The following NIBAN2 variants were observed in gnomAD, a reference collection of about 807,000 sequenced individuals.
NIBAN2 encodes protein Niban 2.
In NIBAN2, 36 loss-of-function variants were observed where a neutral mutation model predicts 81.8. The ratio of observed to expected loss-of-function variants is 0.44; its 90% confidence interval spans 0.34 to 0.58. NIBAN2 has a LOEUF of 0.58. NIBAN2 is among the 20% of genes least tolerant of loss of function. NIBAN2 has a pLI of 0.02. For synonymous variants in NIBAN2, 445 were observed against 441.6 expected, an observed-to-expected ratio of 1.01 and a Z score of -0.10; for missense variants, 897 against 1,014.1, an observed-to-expected ratio of 0.88 and a Z score of 1.57.
At chr9:127,558,214 C>T (rs1444307395) in intron 1 of NIBAN2, among the ~76,000 whole-genome samples, 1 of 152,208 alleles carries the variant, frequency 6.6e-6, no homozygotes, top group Non-Finnish European at 1.5e-5. Context: ...ACAGGGCTTG[C>T]TTCTCTCCCA....
At position 127,512,930 on chromosome 9, in the gene NIBAN2, C is replaced by T. The variant is rs994580774; in HGVS notation, c.974-2597G>A. On this transcript the variant is annotated intron_variant, in intron 8 of 13. Coordinates refer to ENST00000373312, the MANE Select transcript of NIBAN2 (RefSeq NM_022833.4). Reference sequence around the variant, plus strand: ...GATATCTGCACTCCCGTGTTTGTTGCGGCTCTGTTCACAACAACCAAGATT... The same window carrying T: ...GATATCTGCACTCCCGTGTTTGTTGTGGCTCTGTTCACAACAACCAAGATT... 3.9e-5 allele frequency among the ~76,000 whole-genome samples: 6 copies of T among 152,164 alleles called. No individual in the cohort carries two copies. In the South Asian group the frequency reaches 1.2e-3, roughly 31 times the overall value.
At chr9:127,551,292 A>G (rs750296513) in intron 1 of NIBAN2, among the ~76,000 whole-genome samples, 18 of 151,746 alleles carry the variant, frequency 1.2e-4, no homozygotes, top group Non-Finnish European at 2.2e-4. Flanking sequence ...GGAGGCTGAG[A>G]TGGGCAGATC....
At chr9:127,531,102 C>A (rs910574640) in intron 2 of NIBAN2, among the ~76,000 whole-genome samples, 2 of 151,750 alleles carry the variant, frequency 1.3e-5, no homozygotes, top group African/African-American at 4.8e-5. Flanking sequence ...ATCACTTGAG[C>A]CAGGAAGGTT....
Position 127,508,080 on chromosome 9 carries a change from G to T in NIBAN2, c.1542+13C>A. The stretch of plus-strand genomic sequence containing the variant: ...TAGGGCCCAAACGGCTGGAGCAGGT[G>T]GGGGCTGCTCACCGACTTGCAGGTA... On this transcript the variant is annotated intron_variant, in intron 12 of 13. Transcript: ENST00000373312. This position sits in a 1 kb window ranked among gnomAD's most constrained non-coding sequence, Gnocchi z 6.4. 1.2e-6 allele frequency: 2 copies of T among 1,611,458 alleles called. No individual in the cohort carries two copies. Among genetic ancestry groups the T allele is most frequent in the African/African-American group, 1.3e-5 (1 of 75,002 alleles).
rs375235621 is a variant in NIBAN2, at chr9:127,531,724, C to T, written c.110G>A (p.Gly37Asp). 3.7e-6 allele frequency: 6 copies of T among 1,614,086 alleles called. No homozygotes were observed. The African/African-American group carries it at 6.7e-5, about 18-fold the overall frequency. The change falls in exon 2 of 14, where the codon GGC becomes GAC. Residue 37 changes from glycine to aspartate, a missense_variant. Around this residue, in one of 3 missense-constraint regions of NIBAN2, gnomAD observed 209 missense variants for 208.4 expected, o/e 1.00. Coordinates refer to ENST00000373312, the MANE Select transcript of NIBAN2 (RefSeq NM_022833.4). ...GCGCATGCTGTTGAAGAGAGCCACG[C>T]CATACTGGTCTTCATAGAACTGGAG... ...EFLQFYEDQY[G>D]VALFNSMRHE... is the part of the protein sequence containing the mutation.
rs533937797 is a variant in NIBAN2 at position 127,563,669 on chromosome 9, C to T, written c.55+5151G>A. Among the ~76,000 whole-genome samples the T allele has an allele frequency of 6.6e-5, 10 of 152,142 alleles. No individual in the cohort carries two copies. The East Asian group carries it at 1.5e-3, about 24-fold the overall frequency. On this transcript the variant is annotated intron_variant, in intron 1 of 13. Coordinates refer to ENST00000373312, the MANE Select transcript of NIBAN2 (RefSeq NM_022833.4). This position sits in a 1 kb window ranked among gnomAD's most constrained non-coding sequence, Gnocchi z 4.1. ...TCCCAAGTAGCTGGGACTACAGGCACGCACCACCAGGCCCGGCTAATTTTT... is the reference window on the plus strand; with the variant it reads ...TCCCAAGTAGCTGGGACTACAGGCATGCACCACCAGGCCCGGCTAATTTTT...
Position 127,516,931 on chromosome 9 carries a change from G to A in NIBAN2, c.899C>T (p.Ala300Val), listed in dbSNP as rs950198104. Residue 300 changes from alanine (A) to valine (V), a missense_variant, in exon 8 of 14, where the codon GCC becomes GTC. Ala to Val is a moderately conservative substitution (Grantham distance 64). Coordinates refer to ENST00000373312, the MANE Select transcript of NIBAN2 (RefSeq NM_022833.4). ...GTCAGTTCGGATGACGGCCTGCATG[G>A]CCGGCTGCACCTGCTGCACCTTGGA... Reference protein sequence around the residue: ...VLSKVQQVQPAMQAVIRTDMD... With the variant: ...VLSKVQQVQPVMQAVIRTDMD... 1.2e-6 allele frequency: 2 copies of A among 1,614,042 alleles called. No individual in the cohort carries two copies. Among genetic ancestry groups the A allele is most frequent in the African/African-American group, 2.7e-5 (2 of 74,934 alleles).
At chr9:127,518,058 G>A in intron 5 of NIBAN2, 117 bp from the exon 6 acceptor site, 1 of 624,226 alleles carries the variant, frequency 1.6e-6, no homozygotes. Flanking sequence ...CTCAGGAGGG[G>A]CAGCTGGGAC....
chr9:127,577,704 A>G (rs1838025782), intron 1 of NIBAN2, among the ~76,000 whole-genome samples: 1 of 146,504 alleles, frequency 6.8e-6, no homozygotes, highest in Non-Finnish European at 1.5e-5. Flanking sequence ...CTTCTCTGCT[A>G]TATCTTTTTG....
intron 1 of NIBAN2, among the ~76,000 whole-genome samples, chr9:127,534,900 G>A (rs1246844585): frequency 1.3e-5 from 2 of 152,152 alleles, no homozygotes; most frequent in African/African-American, 4.8e-5. Context: ...AATAACATCG[G>A]TACCATGGTT....
At chr9:127,557,147 A>T (rs1035874657) in intron 1 of NIBAN2, among the ~76,000 whole-genome samples, 14 of 152,142 alleles carry the variant, frequency 9.2e-5, no homozygotes, top group Admixed American at 9.2e-4. Context: ...GGGCTGTGGG[A>T]GCTCAGAGGA....
In NIBAN2 at chr9:127,507,817, C is replaced by T. The variant is rs752770642; in HGVS notation, c.1654+50G>A. On this transcript the variant is annotated intron_variant, in intron 13 of 13. Transcript: ENST00000373312. This position sits in a 1 kb window ranked among gnomAD's most constrained non-coding sequence, Gnocchi z 6.8. Reference sequence around the variant, plus strand: ...CTCAGCTGCCACCACTTCTCAGCTGCGCCCCCAGCATCCTCCTGGCAACAG... The same window carrying T: ...CTCAGCTGCCACCACTTCTCAGCTGTGCCCCCAGCATCCTCCTGGCAACAG... 19 of 1,533,658 alleles carry T rather than the reference C, an allele frequency of 1.2e-5. No individual in the cohort carries two copies. In the Middle Eastern group the frequency reaches 5.1e-4, roughly 41 times the overall value.
chr9:127,506,780 C>T lies in NIBAN2; in HGVS notation c.*65G>A, dbSNP rs1836604517. 6.9e-7 allele frequency: 1 copy of T among 1,458,638 alleles called. No homozygotes were observed. Among genetic ancestry groups the T allele is most frequent in the Admixed American group, 2.1e-5 (1 of 47,036 alleles). The allele number at this position is 1,458,638 out of a possible 1,614,324, so 90.4% of individuals were successfully genotyped here. A position where few individuals can be genotyped will look rare whatever the true frequency, so the allele number is the denominator to read the frequency against. ...ACAGACCAGGGTGCCCTCCCCAGAG[C>T]TGAGCCTGCCTGGGTCCGGAAGGGA... On this transcript the variant is annotated 3_prime_UTR_variant, in exon 14 of 14. Transcript: ENST00000373312.
rs528648864 is a variant in NIBAN2 at position 127,576,651 on chromosome 9, G to A, written c.16+2271C>T. Reference sequence around the variant, plus strand: ...GATGAGATCAGGCACAGTGGCTCACGCCTGTAATCCCAACACTTTGGGAGG... The same window carrying A: ...GATGAGATCAGGCACAGTGGCTCACACCTGTAATCCCAACACTTTGGGAGG... On this transcript the variant is annotated intron_variant, in intron 1 of 13. Transcript: ENST00000373314. 8.0e-5 allele frequency among the ~76,000 whole-genome samples: 12 copies of A among 150,766 alleles called. No homozygotes were observed. In the South Asian group the frequency reaches 1.3e-3, roughly 16 times the overall value.
intron 4 of NIBAN2, 22 bp from the exon 5 acceptor site, chr9:127,523,868 A>G: frequency 6.3e-7 from 1 of 1,599,414 alleles, no homozygotes; most frequent in Non-Finnish European, 8.6e-7. Context: ...GTGCCTGATG[A>G]GCAGCTGCCC....
Position 127,556,233 on chromosome 9 carries a change from G to T in NIBAN2, c.55+12587C>A, listed in dbSNP as rs548003724. Among the ~76,000 whole-genome samples the T allele has an allele frequency of 5.1e-4, 77 of 152,240 alleles. No homozygotes were observed. The South Asian group carries it at 5.2e-3, about 10-fold the overall frequency. On this transcript the variant is annotated intron_variant, in intron 1 of 13. Coordinates refer to ENST00000373312, the MANE Select transcript of NIBAN2 (RefSeq NM_022833.4). ...GGCAGGAGGAAGGAAGTTGTGGATG[G>T]CCACATGGCTTCGTGCCTGCGGGTC... is the stretch of plus-strand genomic sequence containing the variant.
At chr9:127,541,870 G>A (rs1837385520) in intron 1 of NIBAN2, among the ~76,000 whole-genome samples, 1 of 152,102 alleles carries the variant, frequency 6.6e-6, no homozygotes, top group Admixed American at 6.5e-5. Flanking sequence ...GAGAGAAACA[G>A]GGCCTATGGG....
At chr9:127,561,313 T>C (rs1272299132) in intron 1 of NIBAN2, 3 of 985,328 alleles carry the variant, frequency 3.0e-6, no homozygotes, top group Non-Finnish European at 3.6e-6. Context: ...CTGGAGCACA[T>C]GGCAGGGAGC....
chr9:127,523,168 TTAAAAAA>T (rs1181974010), intron 5 of NIBAN2, among the ~76,000 whole-genome samples: 5 of 19,026 alleles, frequency 2.6e-4, no homozygotes, highest in South Asian at 1.9e-3. Flanking sequence ...GTTGGTGGTT[TTAAAAAA>T]AAAAAAAAAA....
Sources: gnomAD v4.1 joint callset for allele counts (sites outside exome capture counted in the v4.1 genomes callset) on GRCh38, gnomAD v4.1.1 for gene constraint, gnomAD v4.1.1 regional missense constraint, Gnocchi (gnomAD v3.1) non-coding constraint, MANE v1.5 for transcripts, NCBI Gene and HGNC (gene_info 2026-07-23, HGNC 2026-07-21) for gene names.